MBNL1: variants seen among roughly 807,000 people sequenced by gnomAD.
The protein encoded by MBNL1 is muscleblind-like protein 1.
In MBNL1, 8 loss-of-function variants were observed where a neutral mutation model predicts 42.2. The observed-to-expected ratio is 0.19, with a 90% CI of 0.11 to 0.34. The LOEUF is 0.34. Ranked by LOEUF, MBNL1 falls within the 10% of genes least tolerant of loss-of-function variation. MBNL1 has a pLI of 1.00. For missense variants in MBNL1, 309 were observed against 495.3 expected, an observed-to-expected ratio of 0.62 and a Z score of 3.57; for synonymous variants, 169 against 173.9, an observed-to-expected ratio of 0.97 and a Z score of 0.22.
intron 2 of MBNL1, among the ~76,000 whole-genome samples, chr3:152,336,255 G>A (rs1245014590): frequency 6.6e-6 from 1 of 151,874 alleles, no homozygotes; most frequent in Admixed American, 6.6e-5. Context: ...CCACTTTTTT[G>A]GGGGTTTGTT....
chr3:152,310,802 T>G (rs566094976), intron 2 of MBNL1, among the ~76,000 whole-genome samples: 4 of 151,462 alleles, frequency 2.6e-5, no homozygotes, highest in Admixed American at 1.3e-4. Flanking sequence ...GTATAGCAAA[T>G]CAGAATAATA....
chr3:152,449,308 G>T (rs1716923963), intron 6 of MBNL1: 1 of 152,134 alleles, frequency 6.6e-6, no homozygotes, highest in African/African-American at 2.4e-5. Flanking sequence ...TCAATAGATT[G>T]TTCACAGTCA....
intron 2 of MBNL1, among the ~76,000 whole-genome samples, chr3:152,360,195 T>C (rs2095833609): frequency 6.6e-6 from 1 of 152,182 alleles, no homozygotes; most frequent in Non-Finnish European, 1.5e-5. Flanking sequence ...TCTGTGCTTA[T>C]AATCAGGTTA....
At chr3:152,335,200 G>T (rs1236593680) in intron 2 of MBNL1, 1 of 1,289,786 alleles carries the variant, frequency 7.8e-7, no homozygotes, top group South Asian at 1.2e-5. Flanking sequence ...ATCTATGGAA[G>T]ATAAAGCATG....
intron 2 of MBNL1, among the ~76,000 whole-genome samples, chr3:152,354,176 C>T (rs2153029641): frequency 6.6e-6 from 1 of 152,240 alleles, no homozygotes; most frequent in East Asian, 1.9e-4. Context: ...AGCTGCATTG[C>T]AGAAAAGTGG....
At position 152,299,541 on chromosome 3, in the gene MBNL1, C is replaced by T. The variant is rs1577374626; in HGVS notation, c.-653C>T. The T allele has an allele frequency of 2.5e-6, 1 of 394,074 alleles. No individual in the cohort carries two copies. The highest frequency in any genetic ancestry group is 3.6e-5 in the East Asian group (1 of 27,886). 24.4% of individuals were successfully genotyped at this position (394,074 alleles called of 1,614,324 possible). A position where few individuals can be genotyped will look rare whatever the true frequency, so the allele number is the denominator to read the frequency against. On this transcript the variant is annotated 5_prime_UTR_variant, in exon 2 of 10. Coordinates refer to ENST00000324210, the MANE Select transcript of MBNL1 (RefSeq NM_021038.5). ...CACCCTCCACCTCTAGCCCAGACAC[C>T]CCCATTTCTACTTATAATCAAGAGA...
At chr3:152,410,905 C>T (rs1443686751) in intron 2 of MBNL1, among the ~76,000 whole-genome samples, 2 of 152,282 alleles carry the variant, frequency 1.3e-5, no homozygotes, top group Middle Eastern at 3.4e-3. Flanking sequence ...ATTTTTAGAG[C>T]GTTTAACAGA....
At position 152,249,085 on chromosome 3, in the gene MBNL1, C is replaced by G. The variant is rs2033910597; in HGVS notation, n.333+4645C>G. ...TAGTGCCACAATAAACATACGTGTG[C>G]ATGTGTCTTTATAGCAGCATGATTT... On this transcript the variant is annotated intron_variant and non_coding_transcript_variant, in intron 2 of 2. Transcript: ENST00000477171. Among the ~76,000 whole-genome samples the G allele has an allele frequency of 2.7e-5, 4 of 147,762 alleles. No homozygotes were observed. The Admixed American group carries it at 2.7e-4, about 10-fold the overall frequency.
At chr3:152,252,772 T>G (rs985750179) in intron 2 of MBNL1, among the ~76,000 whole-genome samples, 1 of 152,118 alleles carries the variant, frequency 6.6e-6, no homozygotes, top group East Asian at 1.9e-4. Flanking sequence ...AAAATAATTA[T>G]GTAAAGCAAA....
chr3:152,325,102 CT>C (rs1232579687), intron 2 of MBNL1, among the ~76,000 whole-genome samples: 4 of 109,318 alleles, frequency 3.7e-5, no homozygotes, highest in Non-Finnish European at 7.7e-5. Flanking sequence ...CCCCCGCCCG[CT>C]TTTTTTTCAT....
chr3:152,261,857 C>T (rs879426960), intron 2 of MBNL1, among the ~76,000 whole-genome samples: 24 of 152,146 alleles, frequency 1.6e-4, no homozygotes, highest in Middle Eastern at 3.2e-3. Flanking sequence ...TGCCATGAAG[C>T]TCTTAACAAG....
intron 2 of MBNL1, among the ~76,000 whole-genome samples, chr3:152,403,880 G>C (rs116726990): frequency 0.015 from 2,342 of 152,240 alleles, 53 homozygotes; most frequent in African/African-American, 0.053. Flanking sequence ...TCATAGGCAG[G>C]GGGGTGGGGC....
At chr3:152,390,041 T>C (rs2153463677) in intron 2 of MBNL1, among the ~76,000 whole-genome samples, 1 of 152,104 alleles carries the variant, frequency 6.6e-6, no homozygotes, top group South Asian at 2.1e-4. Context: ...GGCTAATTTT[T>C]GTATTTTTAG....
At chr3:152,342,983 T>C (rs1360448840) in intron 2 of MBNL1, among the ~76,000 whole-genome samples, 2 of 152,184 alleles carry the variant, frequency 1.3e-5, no homozygotes, top group East Asian at 3.8e-4. Context: ...CATAAACATG[T>C]AAAGTCTTAG....
chr3:152,281,807 C>G (rs1047442172), intron 1 of MBNL1, among the ~76,000 whole-genome samples: 7 of 151,974 alleles, frequency 4.6e-5, no homozygotes, highest in Admixed American at 2.0e-4. Flanking sequence ...TTCATTTTTT[C>G]ATCACTAAAA....
At chr3:152,433,322 A>T (rs943309005) in intron 4 of MBNL1, among the ~76,000 whole-genome samples, 2 of 152,220 alleles carry the variant, frequency 1.3e-5, no homozygotes, top group Non-Finnish European at 2.9e-5. Context: ...CAATCCCCTA[A>T]AAATTGTTCT....
intron 2 of MBNL1, among the ~76,000 whole-genome samples, chr3:152,368,196 A>G (rs2096503469): frequency 6.6e-6 from 1 of 152,110 alleles, no homozygotes; most frequent in African/African-American, 2.4e-5. Context: ...CATAAGGTTT[A>G]AGGAAGGGGT....
At chr3:152,390,297 C>T (rs1218459235) in intron 2 of MBNL1, among the ~76,000 whole-genome samples, 1 of 150,830 alleles carries the variant, frequency 6.6e-6, no homozygotes, top group Admixed American at 6.6e-5. Context: ...AAAACTAAGA[C>T]ACAAACGTAT....
chr3:152,443,485 T>TACACACACATACACAC (rs2099171415), intron 4 of MBNL1, among the ~76,000 whole-genome samples: 1 of 144,860 alleles, frequency 6.9e-6, no homozygotes, highest in Non-Finnish European at 1.5e-5. Context: ...ATATTTAGCA[T>TACACACACATACACAC]ACACACACAC....
Sources: gnomAD v4.1 joint callset for allele counts (sites outside exome capture counted in the v4.1 genomes callset) on GRCh38, gnomAD v4.1.1 for gene constraint, MANE v1.5 for transcripts, NCBI Gene and HGNC (gene_info 2026-07-23, HGNC 2026-07-21) for gene names.